THBS1: variants seen among roughly 807,000 people sequenced by gnomAD.
THBS1 encodes the protein thrombospondin 1, also known as thrombospondin-1.
Under a neutral mutation model 126.1 loss-of-function variants are expected in THBS1, and 29 were observed. The observed-to-expected ratio is 0.23, with a 90% CI of 0.17 to 0.31. THBS1 has a LOEUF of 0.31. Among genes scored for constraint, THBS1 ranks in the 10% least tolerant of loss-of-function variants. The pLI is 1.00. For synonymous variants in THBS1, 496 were observed against 577.8 expected, an observed-to-expected ratio of 0.86 and a Z score of 2.03; for missense variants, 1,198 against 1,545.2, an observed-to-expected ratio of 0.78 and a Z score of 3.77.
Position 39,584,401 on chromosome 15 carries a change from C to A in THBS1, c.1005C>A (p.Ser335Arg). ...YRNNEEWTVD[S>R]CTECHCQNSV... Reference sequence around the variant, plus strand: ...ATAACGAGGAATGGACTGTTGATAGCTGCACTGAGTGTCACTGTCAGGTAA... The same window carrying A: ...ATAACGAGGAATGGACTGTTGATAGATGCACTGAGTGTCACTGTCAGGTAA... Residue 335 changes from serine (S) to arginine (R), a missense_variant, in exon 6 of 22, where the codon AGC becomes AGA. Physicochemically the swap from Ser to Arg is moderately radical, Grantham distance 110. This residue lies in a region of THBS1 where 663 missense variants were observed against 860.1 expected (regional missense o/e 0.77). Coordinates refer to ENST00000260356, the MANE Select transcript of THBS1 (RefSeq NM_003246.4). The A allele has an allele frequency of 6.2e-7, 1 of 1,614,218 alleles. No homozygotes were observed. Among genetic ancestry groups the A allele is most frequent in the Middle Eastern group, 1.6e-4 (1 of 6,062 alleles).
rs1890381675 is a variant in THBS1 at position 39,594,010 on chromosome 15, A to G, written c.3268-89A>G. 3 of 1,379,290 alleles carry G rather than the reference A, an allele frequency of 2.2e-6. No individual in the cohort carries two copies. Among genetic ancestry groups the G allele is most frequent in the Admixed American group, 4.3e-5 (2 of 46,128 alleles). 85.4% of individuals were successfully genotyped at this position (1,379,290 alleles called of 1,614,324 possible). ...GCCCTCTAACTTAGATCAGCTCAGT[A>G]CCTTTCAAGCATTGTTTCTGATGGA... On this transcript the variant is annotated intron_variant, in intron 19 of 21. Transcript: ENST00000260356. The surrounding 1 kb of genome is among the most constrained non-coding windows in gnomAD (Gnocchi z 4.4).
chr15:39,594,037 T>C lies in THBS1; in HGVS notation c.3268-62T>C. On this transcript the variant is annotated intron_variant, in intron 19 of 21. Transcript: ENST00000260356. The surrounding 1 kb of genome is among the most constrained non-coding windows in gnomAD (Gnocchi z 4.4). ...CTTTCAAGCATTGTTTCTGATGGAA[T>C]GAAATAGAAATCTTTACCTGAAGGA... is the stretch of plus-strand genomic sequence containing the variant. The C allele has an allele frequency of 6.6e-7, 1 of 1,506,920 alleles. No individual in the cohort carries two copies. Among genetic ancestry groups the C allele is most frequent in the South Asian group, 1.2e-5 (1 of 82,348 alleles). The allele number at this position is 1,506,920 out of a possible 1,614,324, so 93.3% of individuals were successfully genotyped here. A position where few individuals can be genotyped will look rare whatever the true frequency, so the allele number is the denominator to read the frequency against.
chr15:39,582,118 C>T, intron 2 of THBS1, 75 bp from the exon 3 acceptor site: 1 of 1,487,702 alleles, frequency 6.7e-7, no homozygotes, highest in Non-Finnish European at 9.1e-7. Context: ...CCTTTGTCTC[C>T]ACCCCTAAGG....
At chr15:39,591,998 A>C (rs1345852285) in intron 16 of THBS1, among the ~76,000 whole-genome samples, 1 of 152,268 alleles carries the variant, frequency 6.6e-6, no homozygotes, top group Non-Finnish European at 1.5e-5. Flanking sequence ...TGCATAAGCA[A>C]AATAACCATT....
rs1890279740 is a variant in THBS1 at position 39,589,292 on chromosome 15, C to T, written c.1864C>T (p.Pro622Ser). The T allele has an allele frequency of 1.2e-6, 2 of 1,614,018 alleles. No homozygotes were observed. Among genetic ancestry groups the T allele is most frequent in the Admixed American group, 1.7e-5 (1 of 59,992 alleles). The change falls in exon 12 of 22, where the codon CCA (proline) becomes TCA (serine). Residue 622 changes from proline to serine, a missense_variant. By Grantham distance (74) the Pro-to-Ser change is moderately conservative (BLOSUM62 -1). Around this residue, in one of 4 missense-constraint regions of THBS1, gnomAD observed 663 missense variants for 860.1 expected, o/e 0.77. Coordinates refer to ENST00000260356, the MANE Select transcript of THBS1 (RefSeq NM_003246.4). This position sits in a 1 kb window ranked among gnomAD's most constrained non-coding sequence, Gnocchi z 4.7. Reference sequence around the variant, plus strand: ...CGGCTACAACTGCCTGCCCTGCCCCCCACGCTTCACCGGCTCACAGCCCTT... The same window carrying T: ...CGGCTACAACTGCCTGCCCTGCCCCTCACGCTTCACCGGCTCACAGCCCTT... ...DPGYNCLPCP[P>S]RFTGSQPFGQ...
Position 39,582,722 on chromosome 15 carries a change from C to T in THBS1, c.597C>T (p.Ile199=), listed in dbSNP as rs138250796. 7.6e-5 allele frequency: 122 copies of T among 1,612,360 alleles called. No homozygotes were observed. Among genetic ancestry groups the T allele is most frequent in the Non-Finnish European group, 9.7e-5 (114 of 1,179,578 alleles). The change falls in exon 3 of 22, where the codon ATC becomes ATT. Residue 199 remains isoleucine (I), a synonymous_variant. Transcript: ENST00000260356. ...RDLASIARLR[I]AKGGVNDNFQ... ...TGGCCAGCATCGCCAGACTCCGCAT[C>T]GCAAAGGGGGGCGTCAATGACAATT...
intron 4 of THBS1, 27 bp from the exon 5 acceptor site, chr15:39,583,961 T>G: frequency 6.2e-7 from 1 of 1,613,184 alleles, no homozygotes; most frequent in Non-Finnish European, 8.5e-7. Flanking sequence ...AGTATCTATT[T>G]GAAGTTTTCA....
At chr15:39,591,431 C>T in intron 15 of THBS1, 74 bp from the exon 16 acceptor site, 2 of 1,606,126 alleles carry the variant, frequency 1.2e-6, no homozygotes, top group Non-Finnish European at 1.7e-6. Flanking sequence ...CTAGTCCTGG[C>T]TATTAGTATG....
rs1890492616 is a variant in THBS1 at position 39,597,406 on chromosome 15, G to A, written c.*2037G>A. Reference sequence around the variant, plus strand: ...TTTACATTCTAAAGCAGTGTAAGTTGTATATTACTGTTTCTTATGTACAAG... The same window carrying A: ...TTTACATTCTAAAGCAGTGTAAGTTATATATTACTGTTTCTTATGTACAAG... On this transcript the variant is annotated 3_prime_UTR_variant, in exon 22 of 22. Coordinates refer to ENST00000260356, the MANE Select transcript of THBS1 (RefSeq NM_003246.4). The A allele has an allele frequency of 7.0e-6, 1 of 143,598 alleles. No homozygotes were observed. The allele number at this position is 143,598 out of a possible 1,614,324, so 8.9% of individuals were successfully genotyped here. A position where few individuals can be genotyped will look rare whatever the true frequency, so the allele number is the denominator to read the frequency against.
At position 39,593,989 on chromosome 15, in the gene THBS1, T is replaced by C; in HGVS notation, c.3268-110T>C. On this transcript the variant is annotated intron_variant, in intron 19 of 21. Transcript: ENST00000260356. The surrounding 1 kb of genome is among the most constrained non-coding windows in gnomAD (Gnocchi z 5.9). ...TTGGAAAAATTCCCCATTGCAGCCC[T>C]CTAACTTAGATCAGCTCAGTACCTT... 8.2e-7 allele frequency: 1 copy of C among 1,212,262 alleles called. No homozygotes were observed. 75.1% of individuals were successfully genotyped at this position (1,212,262 alleles called of 1,614,324 possible).
chr15:39,588,845 A>C (rs1890265403), intron 10 of THBS1, 114 bp from the exon 11 acceptor site: 37 of 1,595,394 alleles, frequency 2.3e-5, no homozygotes, highest in Non-Finnish European at 3.1e-5. Context: ...AATCCCAACA[A>C]GTTATCGGTT....
chr15:39,590,589 A>T lies in THBS1; in HGVS notation c.2219A>T (p.Asp740Val), dbSNP rs1382050401. The change falls in exon 14 of 22, where the codon GAT becomes GTT. Residue 740 changes from aspartate to valine, a missense_variant. This residue lies in a region of THBS1 where 663 missense variants were observed against 860.1 expected (regional missense o/e 0.77). Coordinates refer to ENST00000260356, the MANE Select transcript of THBS1 (RefSeq NM_003246.4). The stretch of plus-strand genomic sequence containing the variant: ...GATGGAATTGGTGATGCCTGTGATG[A>T]TGACGATGACAATGATAAAATTCCA... ...DKDGIGDACD[D>V]DDDNDKIPDD... 1.2e-6 allele frequency: 2 copies of T among 1,613,664 alleles called. No individual in the cohort carries two copies. Among genetic ancestry groups the T allele is most frequent in the African/African-American group, 2.7e-5 (2 of 74,910 alleles).
intron 15 of THBS1, 65 bp from the exon 16 acceptor site, chr15:39,591,440 T>G: frequency 6.2e-7 from 1 of 1,609,066 alleles, no homozygotes; most frequent in Non-Finnish European, 8.5e-7. Flanking sequence ...GCTATTAGTA[T>G]GCACTTTGGT....
intron 9 of THBS1, 23 bp downstream of exon 9, chr15:39,588,241 G>T: frequency 6.2e-7 from 1 of 1,607,266 alleles, no homozygotes; most frequent in Non-Finnish European, 8.5e-7. Flanking sequence ...TCCGCTGCAA[G>T]GGTGAGCATG....
chr15:39,590,215 T>C (rs1257850182), intron 13 of THBS1, among the ~76,000 whole-genome samples, 192 bp downstream of exon 13: 1 of 152,222 alleles, frequency 6.6e-6, no homozygotes, highest in Non-Finnish European at 1.5e-5. Context: ...CTAGCTCTTT[T>C]TGGGCAACTG....
At chr15:39,586,971 C>A (rs899004040) in intron 7 of THBS1, 1 of 161,278 alleles carries the variant, frequency 6.2e-6, no homozygotes, top group Non-Finnish European at 1.4e-5. Context: ...TGTATAACTG[C>A]AACTTTGTGC....
chr15:39,585,424 C>T (rs775407130), intron 6 of THBS1, 46 bp from the exon 7 acceptor site: 3 of 1,546,594 alleles, frequency 1.9e-6, no homozygotes, highest in Admixed American at 1.7e-5. Flanking sequence ...CTTCTGTATG[C>T]AACATGCTCA....
Position 39,582,959 on chromosome 15 carries a change from C to T in THBS1, c.627+207C>T, listed in dbSNP as rs1481704599. ...GGATTCTGTAAAACTGCAACTCTAA[C>T]AAGTACCAGGTGATGCTGATGCCGG... On this transcript the variant is annotated intron_variant, in intron 3 of 21. Transcript: ENST00000260356. 2.6e-5 allele frequency among the ~76,000 whole-genome samples: 4 copies of T among 152,254 alleles called. No homozygotes were observed. The East Asian group carries it at 7.7e-4, about 29-fold the overall frequency.
In THBS1 at chr15:39,589,946, G is replaced by A. The variant is rs367569054; in HGVS notation, c.2068G>A (p.Gly690Arg). ...PGYAGNGIIC[G>R]EDTDLDGWPN... ...CTACGCTGGCAATGGCATCATCTGCGGGGAGGACACAGACCTGGATGGCTG... is the reference window on the plus strand; with the variant it reads ...CTACGCTGGCAATGGCATCATCTGCAGGGAGGACACAGACCTGGATGGCTG... The change falls in exon 13 of 22, where the codon GGG (glycine) becomes AGG (arginine). Residue 690 changes from glycine (G) to arginine (R), a missense_variant. Coordinates refer to ENST00000260356, the MANE Select transcript of THBS1 (RefSeq NM_003246.4). The surrounding 1 kb of genome is among the most constrained non-coding windows in gnomAD (Gnocchi z 4.7). 18 of 1,613,854 alleles carry A rather than the reference G, an allele frequency of 1.1e-5. No homozygotes were observed. The highest frequency in any genetic ancestry group is 3.3e-4 in the Middle Eastern group (2 of 6,080).
Sources: gnomAD v4.1 joint callset for allele counts (sites outside exome capture counted in the v4.1 genomes callset) on GRCh38, gnomAD v4.1.1 for gene constraint, gnomAD v4.1.1 regional missense constraint, Gnocchi (gnomAD v3.1) non-coding constraint, MANE v1.5 for transcripts, NCBI Gene and HGNC (gene_info 2026-07-23, HGNC 2026-07-21) for gene names.